TBCA: variants seen among roughly 807,000 people sequenced by gnomAD.
The protein encoded by TBCA is tubulin folding cofactor A.
In TBCA, 6 loss-of-function variants were observed where a neutral mutation model predicts 15.8. The ratio of observed to expected loss-of-function variants is 0.38; its 90% CI spans 0.21 to 0.75. TBCA has a LOEUF of 0.75. Ranked by LOEUF, TBCA falls within the 30% of genes least tolerant of loss-of-function variation. The pLI, the probability that TBCA is intolerant of heterozygous loss-of-function variation, is 0.46. For missense variants in TBCA, 90 were observed against 131.2 expected, an observed-to-expected ratio of 0.69 and a Z score of 1.53; for synonymous variants, 32 against 42.3, an observed-to-expected ratio of 0.76 and a Z score of 0.94.
chr5:77,729,149 A>T (rs1041640669), intron 1 of TBCA, among the ~76,000 whole-genome samples: 1 of 152,168 alleles, frequency 6.6e-6, no homozygotes, highest in Middle Eastern at 3.4e-3. Flanking sequence ...CCTCATCTCT[A>T]CTAAAAACAT....
rs2112497804 is a variant in TBCA at position 77,754,670 on chromosome 5, T to C, written c.53+21535A>G. Reference sequence around the variant, plus strand: ...GGGTTATTTTACCAGTAATTCAAGATATAGCTGTTTTCATTAAACCAATAT... The same window carrying C: ...GGGTTATTTTACCAGTAATTCAAGACATAGCTGTTTTCATTAAACCAATAT... On this transcript the variant is annotated intron_variant, in intron 1 of 3. Transcript: ENST00000380377. Among the ~76,000 whole-genome samples, 3 of 152,330 alleles carry C rather than the reference T, an allele frequency of 2.0e-5. No individual in the cohort carries two copies. In the South Asian group the frequency reaches 6.2e-4, roughly 32 times the overall value.
At chr5:77,759,081 T>C (rs2112504092) in intron 1 of TBCA, among the ~76,000 whole-genome samples, 1 of 152,302 alleles carries the variant, frequency 6.6e-6, no homozygotes, top group Admixed American at 6.5e-5. Context: ...TGGGAAACCC[T>C]TTCCTGCCCA....
intron 2 of TBCA, among the ~76,000 whole-genome samples, chr5:77,696,295 C>T (rs1745869666): frequency 6.6e-6 from 1 of 152,092 alleles, no homozygotes; most frequent in Admixed American, 6.6e-5. Context: ...CCAGAGATTA[C>T]TGGAATAATG....
chr5:77,715,158 A>T, intron 1 of TBCA: 1 of 671,732 alleles, frequency 1.5e-6, no homozygotes, highest in Non-Finnish European at 2.7e-6. Context: ...CTGATGAAAG[A>T]AGTTATAGGC....
At chr5:77,698,907 T>C (rs1198642224) in intron 2 of TBCA, among the ~76,000 whole-genome samples, 2 of 151,774 alleles carry the variant, frequency 1.3e-5, no homozygotes, top group Non-Finnish European at 2.9e-5. Flanking sequence ...AACTAATAAG[T>C]TCAGCAAGGT....
At chr5:77,753,820 G>A (rs1747412352) in intron 1 of TBCA, among the ~76,000 whole-genome samples, 1 of 152,102 alleles carries the variant, frequency 6.6e-6, no homozygotes. Flanking sequence ...GTGCAGTGGT[G>A]CCATCTTGGT....
intron 2 of TBCA, 194 bp from the exon 3 acceptor site, chr5:77,693,546 C>T (rs1333980994): frequency 1.0e-5 from 7 of 688,314 alleles, no homozygotes; most frequent in South Asian, 3.5e-5. Flanking sequence ...CGCCTGTAAT[C>T]CCAGCATTTT....
chr5:77,773,331 T>C (rs1747953507), intron 1 of TBCA, among the ~76,000 whole-genome samples: 1 of 111,240 alleles, frequency 9.0e-6, no homozygotes, highest in Non-Finnish European at 1.9e-5. Flanking sequence ...AGTGTGACTT[T>C]AGACAAGTTT....
intron 1 of TBCA, among the ~76,000 whole-genome samples, chr5:77,714,515 A>C (rs1398669892): frequency 6.6e-6 from 1 of 152,154 alleles, no homozygotes; most frequent in Non-Finnish European, 1.5e-5. Flanking sequence ...TATAACTATA[A>C]TAAAAGGTGG....
intron 1 of TBCA, among the ~76,000 whole-genome samples, chr5:77,754,610 T>G (rs1747430828): frequency 6.6e-6 from 1 of 152,208 alleles, no homozygotes; most frequent in Non-Finnish European, 1.5e-5. Flanking sequence ...GAATTTTGGG[T>G]GATTACCTAA....
chr5:77,694,527 G>A (rs1010071252), intron 2 of TBCA, among the ~76,000 whole-genome samples: 4 of 152,076 alleles, frequency 2.6e-5, no homozygotes, highest in African/African-American at 9.7e-5. Flanking sequence ...GCCACATATT[G>A]GACTTCAAAT....
chr5:77,764,832 C>A (rs1278655468), intron 1 of TBCA, among the ~76,000 whole-genome samples: 2 of 152,128 alleles, frequency 1.3e-5, no homozygotes, highest in Non-Finnish European at 2.9e-5. Flanking sequence ...TGCTAGCCAT[C>A]CCAATATAAA....
rs1747698186 is a variant in TBCA, at chr5:77,763,542, G to A, written c.53+12663C>T. ...TTAACGTTCAATGTAACGCTATTAG[G>A]AGATGGGGTCTTTGGAAGGTAATGA... On this transcript the variant is annotated intron_variant, in intron 1 of 3. Coordinates refer to ENST00000380377, the MANE Select transcript of TBCA (RefSeq NM_004607.3). Among the ~76,000 whole-genome samples, 4 of 152,146 alleles carry A rather than the reference G, an allele frequency of 2.6e-5. No homozygotes were observed. In the South Asian group the frequency reaches 8.3e-4, roughly 31 times the overall value.
rs1318466266 is a variant in TBCA, at chr5:77,776,305, G to C, written c.-48C>G. The C allele has an allele frequency of 6.4e-7, 1 of 1,554,646 alleles. No homozygotes were observed. The highest frequency in any genetic ancestry group is 8.7e-7 in the Non-Finnish European group (1 of 1,149,616). ...GGAGGGGCGGAGAGCCGGGGTAACC[G>C]TGGAGGGCGACGCGCAGAGGCTGCG... On this transcript the variant is annotated 5_prime_UTR_variant, in exon 1 of 4. Transcript: ENST00000380377.
chr5:77,765,569 T>C (rs11952046), intron 1 of TBCA, among the ~76,000 whole-genome samples: 16,230 of 152,122 alleles, frequency 0.11, 933 homozygotes, highest in Middle Eastern at 0.13. Context: ...TTTCTGAATC[T>C]CCTACCCCCT....
intron 2 of TBCA, 186 bp from the exon 3 acceptor site, chr5:77,693,538 C>A: frequency 1.4e-6 from 1 of 718,466 alleles, no homozygotes; most frequent in Non-Finnish European, 2.3e-6. Flanking sequence ...GTGGCTCACG[C>A]CTGTAATCCC....
chr5:77,766,508 A>ATTTTTT (rs1314362590), intron 1 of TBCA, among the ~76,000 whole-genome samples: 1 of 36,078 alleles, frequency 2.8e-5, no homozygotes, highest in African/African-American at 6.9e-5. Context: ...TTATTTATTT[A>ATTTTTT]TTTATTTTTT....
chr5:77,751,373 T>C (rs998467562), intron 1 of TBCA, among the ~76,000 whole-genome samples: 10 of 151,870 alleles, frequency 6.6e-5, no homozygotes, highest in African/African-American at 2.2e-4. Flanking sequence ...ATTTTTTAGT[T>C]TCACTATGTT....
intron 1 of TBCA, among the ~76,000 whole-genome samples, chr5:77,732,540 G>A (rs1746797284): frequency 9.6e-6 from 1 of 103,658 alleles, no homozygotes; most frequent in South Asian, 3.8e-4. Context: ...GACAGAGTGA[G>A]ACTCTGTCTC....
Sources: allele counts gnomAD v4.1 joint callset (sites outside exome capture counted in the v4.1 genomes callset), GRCh38; gene constraint gnomAD v4.1.1; transcripts MANE v1.5; gene names NCBI Gene and HGNC (gene_info 2026-07-23, HGNC 2026-07-21).